The following SPDYE1 variants were observed in gnomAD, a reference collection of about 807,000 sequenced individuals.
SPDYE1 encodes speedy/RINGO cell cycle regulator family member E1, also known as speedy protein E1.
Under a neutral mutation model 45.9 loss-of-function variants are expected in SPDYE1, and 29 were observed. That is an observed-to-expected ratio of 0.63 (90% confidence interval 0.47 to 0.86). SPDYE1 has a LOEUF of 0.86. Ranked by LOEUF, SPDYE1 falls within the 40% of genes least tolerant of loss-of-function variation. The pLI is 0.00. For missense variants in SPDYE1, 346 were observed against 481.4 expected (o/e 0.72, Z 2.63); for synonymous variants, 134 against 176.8 (o/e 0.76, Z 1.92).
At chr7:44,001,601 C>T (rs1217912275) in intron 3 of SPDYE1, among the ~76,000 whole-genome samples, 1 of 152,070 alleles carries the variant, frequency 6.6e-6, no homozygotes, top group Non-Finnish European at 1.5e-5. Flanking sequence ...CTGCAGTGAG[C>T]TATGACTGCA....
intron 6 of SPDYE1, among the ~76,000 whole-genome samples, chr7:44,006,227 C>A (rs1204049455): frequency 6.6e-6 from 1 of 152,132 alleles, no homozygotes; most frequent in African/African-American, 2.4e-5. Context: ...GTCTGGGTGT[C>A]CCGCATACAT....
intron 5 of SPDYE1, 133 bp downstream of exon 5, chr7:44,004,044 T>TTTTC (rs1458179359): frequency 3.0e-6 from 3 of 996,872 alleles, no homozygotes; most frequent in African/African-American, 2.2e-5. Context: ...TTTTTTTTTT[T>TTTTC]TGTGTGTGTG....
At chr7:44,002,840 A>G in intron 4 of SPDYE1, 23 bp downstream of exon 4, 1 of 1,338,850 alleles carries the variant, frequency 7.5e-7, no homozygotes, top group Non-Finnish European at 1.0e-6. Flanking sequence ...CCCAGAGAGC[A>G]CCTCCAATCC....
rs1013281787 is a variant in SPDYE1, at chr7:43,997,914, A to C, written c.-468A>C. Among the ~76,000 whole-genome samples, 22 of 152,020 alleles carry C rather than the reference A, an allele frequency of 1.4e-4. No individual in the cohort carries two copies. Among genetic ancestry groups the C allele is most frequent in the African/African-American group, 5.3e-4 (22 of 41,382 alleles). On this transcript the variant is annotated 5_prime_UTR_variant, in exon 1 of 9. Transcript: ENST00000693451. ...TTCACCCCACCCTCAGCAGAGACAGACCCCAGATCTGGGCCCAGGACTTTG... is the reference window on the plus strand; with the variant it reads ...TTCACCCCACCCTCAGCAGAGACAGCCCCCAGATCTGGGCCCAGGACTTTG...
chr7:44,006,656 T>C (rs2096071623), intron 6 of SPDYE1, among the ~76,000 whole-genome samples: 1 of 152,198 alleles, frequency 6.6e-6, no homozygotes, highest in African/African-American at 2.4e-5. Context: ...GCTCCGCCTC[T>C]CAGGCTGGAA....
At chr7:44,002,319 C>CAAA (rs57275170) in intron 3 of SPDYE1, among the ~76,000 whole-genome samples, 477 of 42,984 alleles carry the variant, frequency 0.011, 4 homozygotes, top group South Asian at 0.02. Context: ...ACAACAACAA[C>CAAA]AAAAAAAAAA....
intron 1 of SPDYE1, among the ~76,000 whole-genome samples, chr7:43,998,990 G>A (rs1291175789): frequency 8.8e-5 from 13 of 148,402 alleles, no homozygotes; most frequent in South Asian, 6.7e-4. Flanking sequence ...GAAATTTTTC[G>A]ACTTAGTCTT....
chr7:44,007,918 G>C (rs557432077), intron 8 of SPDYE1, 105 bp downstream of exon 8: 2 of 1,526,008 alleles, frequency 1.3e-6, no homozygotes, highest in Non-Finnish European at 1.8e-6. Flanking sequence ...AACGTGGCGA[G>C]ATCCCCTCTC....
At position 44,007,508 on chromosome 7, in the gene SPDYE1, C is replaced by T. The variant is rs368777784; in HGVS notation, c.993C>T (p.Val331=). ...PRARKNRSQI[V]LFQKRRFHFF... ...CCAGGAAGAACCGCTCTCAGATAGT[C>T]CTGTTCCAGAAACGTCGGTTCCACT... The change falls in exon 7 of 9, where the codon GTC becomes GTT. Residue 331 remains valine (V), a synonymous_variant. Transcript: ENST00000693451. The T allele has an allele frequency of 1.9e-5, 30 of 1,613,828 alleles. No homozygotes were observed. The highest frequency in any genetic ancestry group is 2.5e-5 in the Non-Finnish European group (30 of 1,180,052).
intron 3 of SPDYE1, among the ~76,000 whole-genome samples, chr7:44,001,623 C>T (rs1425353002): frequency 1.2e-4 from 18 of 152,052 alleles, no homozygotes; most frequent in Non-Finnish European, 2.2e-4. Flanking sequence ...CACTGCACTC[C>T]AGCCTGGGTG....
At chr7:44,003,136 G>GACTA (rs2096066209) in intron 4 of SPDYE1, among the ~76,000 whole-genome samples, 1 of 110,962 alleles carries the variant, frequency 9.0e-6, no homozygotes, top group African/African-American at 4.0e-5. Flanking sequence ...AGTGAGCTAT[G>GACTA]ACTACACCAC....
chr7:44,005,282 G>A (rs1182853224), intron 6 of SPDYE1, 55 bp downstream of exon 6: 17 of 1,586,888 alleles, frequency 1.1e-5, no homozygotes, highest in African/African-American at 6.7e-5. Flanking sequence ...GGACAGCGGG[G>A]GAAGTGGGAT....
chr7:44,009,285 ATTC>A lies in SPDYE1; in HGVS notation c.*667_*669del, dbSNP rs1343365121. On this transcript the variant is annotated 3_prime_UTR_variant, in exon 9 of 9. Transcript: ENST00000693451. ...TAATTTTCTTTTCATTTTTGAGACA[ATTC>A]TTTTTATCCTAAATATTTTATCATC... is the stretch of plus-strand genomic sequence containing the variant. 1.3e-5 allele frequency: 2 copies of A among 150,008 alleles called. No individual in the cohort carries two copies. Among genetic ancestry groups the A allele is most frequent in the African/African-American group, 5.0e-5 (2 of 39,986 alleles). The allele number at this position is 150,008 out of a possible 1,614,324, so 9.3% of individuals were successfully genotyped here. A position where few individuals can be genotyped will look rare whatever the true frequency, so the allele number is the denominator to read the frequency against.
chr7:44,007,076 T>G, intron 6 of SPDYE1, 192 bp from the exon 7 acceptor site: 1 of 1,395,168 alleles, frequency 7.2e-7, no homozygotes, highest in African/African-American at 1.4e-5. Context: ...GTCTCCATCC[T>G]GAAGGAGTGG....
At chr7:44,002,381 G>A (rs1461476657) in intron 3 of SPDYE1, among the ~76,000 whole-genome samples, 3 of 135,800 alleles carry the variant, frequency 2.2e-5, no homozygotes, top group African/African-American at 5.5e-5. Context: ...ATATGAGGAA[G>A]TGTTCTGAGG....
Position 44,007,539 on chromosome 7 carries a change from T to C in SPDYE1, c.1024T>C (p.Cys342Arg). 2 of 1,613,620 alleles carry C rather than the reference T, an allele frequency of 1.2e-6. No individual in the cohort carries two copies. The highest frequency in any genetic ancestry group is 1.7e-6 in the Non-Finnish European group (2 of 1,180,026). ...CCAGAAACGTCGGTTCCACTTCTTC[T>C]GTTCCATGAGCTGCAGGGCTTGGGT... ...LFQKRRFHFF[C>R]SMSCRAWVSP... Residue 342 changes from cysteine (C) to arginine (R), a missense_variant, in exon 7 of 9, where the codon TGT becomes CGT. By Grantham distance (180) the Cys-to-Arg change is radical (BLOSUM62 -3). Around this residue, in one of 4 missense-constraint regions of SPDYE1, gnomAD observed 186 missense variants for 219.1 expected, o/e 0.85. Transcript: ENST00000693451.
intron 3 of SPDYE1, among the ~76,000 whole-genome samples, chr7:44,001,931 C>G (rs914379565): frequency 1.4e-5 from 2 of 146,712 alleles, no homozygotes; most frequent in African/African-American, 2.5e-5. Flanking sequence ...GAGAGTGAGA[C>G]GCTGTCTCAA....
At chr7:44,005,289 G>A in intron 6 of SPDYE1, 62 bp downstream of exon 6, 1 of 1,571,962 alleles carries the variant, frequency 6.4e-7, no homozygotes, top group Non-Finnish European at 8.7e-7. Context: ...GGGGGAAGTG[G>A]GATTCCAGCC....
chr7:44,003,661 TCTC>T (rs2096067057), intron 4 of SPDYE1, among the ~76,000 whole-genome samples, 189 bp from the exon 5 acceptor site: 1 of 150,254 alleles, frequency 6.7e-6, no homozygotes, highest in Non-Finnish European at 1.5e-5. Context: ...TTCGGCCTCT[TCTC>T]AGGGGAGTCT....
Sources: allele counts gnomAD v4.1 joint callset (sites outside exome capture counted in the v4.1 genomes callset), GRCh38; gene constraint gnomAD v4.1.1; regional missense constraint gnomAD v4.1.1; transcripts MANE v1.5; gene names NCBI Gene and HGNC (gene_info 2026-07-23, HGNC 2026-07-21).